CACNB4: variants seen among roughly 807,000 people sequenced by gnomAD.
CACNB4 encodes the protein voltage-dependent L-type calcium channel subunit beta-4.
CACNB4 carries 32 observed loss-of-function variants against 71.2 expected under a neutral mutation model. The observed-to-expected ratio is 0.45, with a 90% CI of 0.34 to 0.60. The LOEUF is 0.60. Ranked by LOEUF, CACNB4 falls within the 20% of genes least tolerant of loss-of-function variation. The pLI is 0.01. For synonymous variants in CACNB4, 231 were observed against 236.9 expected (o/e 0.97, Z 0.23); for missense variants, 464 against 647.9 (o/e 0.72, Z 3.08).
chr2:152,081,615 CCTT>C (rs1230065930), intron 2 of CACNB4, among the ~76,000 whole-genome samples: 1 of 152,140 alleles, frequency 6.6e-6, no homozygotes, highest in South Asian at 2.1e-4. Flanking sequence ...CTCTGGTCCC[CCTT>C]CTTCTTCTTA....
At chr2:151,922,512 C>A (rs1337304555) in intron 2 of CACNB4, among the ~76,000 whole-genome samples, 1 of 152,184 alleles carries the variant, frequency 6.6e-6, no homozygotes, top group Non-Finnish European at 1.5e-5. Context: ...TAATAAGCAA[C>A]TTTAACTCCC....
At chr2:151,983,515 C>T (rs532966378) in intron 2 of CACNB4, among the ~76,000 whole-genome samples, 91 of 152,114 alleles carry the variant, frequency 6.0e-4, no homozygotes, top group African/African-American at 2.1e-3. Flanking sequence ...AAATAACATT[C>T]ATCTACATAG....
At chr2:151,915,641 G>C (rs545150276) in intron 2 of CACNB4, among the ~76,000 whole-genome samples, 1 of 152,088 alleles carries the variant, frequency 6.6e-6, no homozygotes, top group Non-Finnish European at 1.5e-5. Context: ...TCAGGAGCTC[G>C]AGACCAGCCT....
intron 2 of CACNB4, among the ~76,000 whole-genome samples, chr2:152,075,605 C>G (rs1286387569): frequency 6.6e-6 from 1 of 152,174 alleles, no homozygotes; most frequent in Non-Finnish European, 1.5e-5. Context: ...TGCTGACTTT[C>G]CCACGTTTGA....
chr2:152,041,488 T>C (rs1365839040), intron 2 of CACNB4, among the ~76,000 whole-genome samples: 2 of 152,184 alleles, frequency 1.3e-5, no homozygotes, highest in African/African-American at 2.4e-5. Context: ...GGAAGAAACA[T>C]GAAGGTAGGC....
At chr2:151,929,717 A>C (rs10930839) in intron 2 of CACNB4, among the ~76,000 whole-genome samples, 34,192 of 152,120 alleles carry the variant, frequency 0.22, 3,986 homozygotes, top group Middle Eastern at 0.42. Context: ...TAAAACTAAT[A>C]GTTTCCTTTT....
At chr2:152,009,522 A>T (rs771629716) in intron 2 of CACNB4, among the ~76,000 whole-genome samples, 1 of 152,180 alleles carries the variant, frequency 6.6e-6, no homozygotes, top group Non-Finnish European at 1.5e-5. Flanking sequence ...AACTCGGTGC[A>T]GGGTATAGAG....
At position 152,054,773 on chromosome 2, in the gene CACNB4, A is replaced by G. The variant is rs138973723; in HGVS notation, c.147+43557T>C. The stretch of plus-strand genomic sequence containing the variant: ...TTATTATAGCCATCCTAGTGGGTGT[A>G]AAGTGGCATGTCATTGTGGTTTTGA... On this transcript the variant is annotated intron_variant, in intron 2 of 13. Transcript: ENST00000539935. Among the ~76,000 whole-genome samples, 376 of 152,298 alleles carry G rather than the reference A, an allele frequency of 2.5e-3. 1 individual carries two copies. Among genetic ancestry groups the G allele is most frequent in the African/African-American group, 8.6e-3 (359 of 41,558 alleles).
At chr2:151,902,935 A>G (rs1326162113) in intron 2 of CACNB4, among the ~76,000 whole-genome samples, 1 of 152,186 alleles carries the variant, frequency 6.6e-6, no homozygotes, top group Non-Finnish European at 1.5e-5. Context: ...ATAATTGCTA[A>G]TAGTTTCTGT....
At chr2:152,012,499 G>C (rs562377311) in intron 2 of CACNB4, among the ~76,000 whole-genome samples, 15 of 151,930 alleles carry the variant, frequency 9.9e-5, no homozygotes, top group Non-Finnish European at 2.2e-4. Context: ...AGCTACTCAG[G>C]AGGCTGAGGC....
At chr2:152,005,825 T>G (rs1327314784) in intron 2 of CACNB4, among the ~76,000 whole-genome samples, 2 of 152,210 alleles carry the variant, frequency 1.3e-5, no homozygotes, top group African/African-American at 4.8e-5. Flanking sequence ...TTACTTCCCC[T>G]TTCTGCACCT....
At chr2:152,074,458 C>A (rs1686883356) in intron 2 of CACNB4, among the ~76,000 whole-genome samples, 1 of 151,120 alleles carries the variant, frequency 6.6e-6, no homozygotes, top group Non-Finnish European at 1.5e-5. Context: ...GTGGCATAAT[C>A]ACTACTATCA....
intron 9 of CACNB4, among the ~76,000 whole-genome samples, chr2:151,862,244 G>A (rs2099841932): frequency 6.6e-6 from 1 of 152,218 alleles, no homozygotes. Context: ...AACACTGCCA[G>A]CTATGTCAGG....
At position 152,098,573 on chromosome 2, in the gene CACNB4, C is replaced by A; in HGVS notation, c.64-160G>T. 1.2e-6 allele frequency: 1 copy of A among 857,474 alleles called. No individual in the cohort carries two copies. Among genetic ancestry groups the A allele is most frequent in the South Asian group, 1.4e-5 (1 of 70,420 alleles). 53.1% of individuals were successfully genotyped at this position (857,474 alleles called of 1,614,324 possible). A position where few individuals can be genotyped will look rare whatever the true frequency, so the allele number is the denominator to read the frequency against. ...GCGACTCCCAAATACAGCCCCCACC[C>A]CCACCCACCCACTGCAAGCCTCGAC... is the stretch of plus-strand genomic sequence containing the variant. On this transcript the variant is annotated intron_variant, in intron 1 of 13. Transcript: ENST00000539935. The surrounding 1 kb of genome is among the most constrained non-coding windows in gnomAD (Gnocchi z 5.3).
intron 2 of CACNB4, among the ~76,000 whole-genome samples, chr2:151,952,248 A>G (rs961648255): frequency 2.6e-5 from 4 of 152,182 alleles, no homozygotes; most frequent in African/African-American, 9.7e-5. Context: ...TATAAATAAC[A>G]TACAAAGCAG....
At chr2:151,914,034 G>C (rs1169726026) in intron 2 of CACNB4, among the ~76,000 whole-genome samples, 1 of 152,154 alleles carries the variant, frequency 6.6e-6, no homozygotes, top group Non-Finnish European at 1.5e-5. Flanking sequence ...TTGCTAGGTT[G>C]GGGAAGTTCT....
At chr2:152,027,931 C>T (rs1242173300) in intron 2 of CACNB4, among the ~76,000 whole-genome samples, 1 of 150,916 alleles carries the variant, frequency 6.6e-6, no homozygotes, top group Admixed American at 6.6e-5. Flanking sequence ...TGCCTGAGAG[C>T]CTGCCCAGCT....
intron 2 of CACNB4, among the ~76,000 whole-genome samples, chr2:152,025,956 C>T (rs1683942383): frequency 6.6e-6 from 1 of 152,234 alleles, no homozygotes; most frequent in African/African-American, 2.4e-5. Flanking sequence ...GTTGCTCCAT[C>T]TATCTCCGTG....
intron 2 of CACNB4, among the ~76,000 whole-genome samples, chr2:152,026,390 T>TC (rs1553815003): frequency 7.3e-5 from 11 of 150,924 alleles, no homozygotes; most frequent in South Asian, 4.2e-4. Flanking sequence ...TTTTTTTTTT[T>TC]TTCTTCTTCT....
Sources: allele counts gnomAD v4.1 joint callset (sites outside exome capture counted in the v4.1 genomes callset), GRCh38; gene constraint gnomAD v4.1.1; non-coding constraint Gnocchi (gnomAD v3.1); transcripts MANE v1.5; gene names NCBI Gene and HGNC (gene_info 2026-07-23, HGNC 2026-07-21).